The following GADL1 variants were observed in gnomAD, a reference collection of about 807,000 sequenced individuals.
GADL1 encodes the protein acidic amino acid decarboxylase GADL1.
Under a neutral mutation model 69.5 loss-of-function variants are expected in GADL1, and 71 were observed. The ratio of observed to expected loss-of-function variants is 1.02; its 90% CI spans 0.84 to 1.25. GADL1 has a LOEUF of 1.25. Among genes scored for constraint, GADL1 ranks in the 50% most tolerant of loss-of-function variants. The probability of loss-of-function intolerance (pLI) is 0.00; values close to 1 mark genes in which losing one functional copy is unlikely to be tolerated. For missense variants in GADL1, 737 were observed against 631.8 expected (o/e 1.17, Z -1.79); for synonymous variants, 254 against 214.4 (o/e 1.18, Z -1.62).
intron 14 of GADL1, among the ~76,000 whole-genome samples, chr3:30,769,800 A>G (rs1696376601): frequency 6.6e-6 from 1 of 152,170 alleles, no homozygotes; most frequent in South Asian, 2.1e-4. Context: ...CTAGTAGATG[A>G]GAGAGCTCAA....
intron 14 of GADL1, among the ~76,000 whole-genome samples, chr3:30,756,570 C>A (rs998603706): frequency 2.0e-5 from 3 of 151,678 alleles, no homozygotes; most frequent in African/African-American, 4.9e-5. Context: ...TAGAAAACAG[C>A]AGAAGTAATC....
chr3:30,821,321 A>G (rs1338805018), intron 11 of GADL1, among the ~76,000 whole-genome samples: 2 of 151,060 alleles, frequency 1.3e-5, no homozygotes, highest in Non-Finnish European at 2.9e-5. Context: ...CTAAAACTTA[A>G]AGTATAATAA....
At chr3:30,816,167 T>C (rs1411060712) in intron 11 of GADL1, among the ~76,000 whole-genome samples, 1 of 152,022 alleles carries the variant, frequency 6.6e-6, no homozygotes, top group African/African-American at 2.4e-5. Context: ...ATTAGAGGAA[T>C]TTGCGATATG....
At chr3:30,769,737 G>T (rs936828675) in intron 14 of GADL1, among the ~76,000 whole-genome samples, 1 of 152,152 alleles carries the variant, frequency 6.6e-6, no homozygotes. Flanking sequence ...CAAGGTCACC[G>T]TCCTTAAAAC....
intron 1 of GADL1, among the ~76,000 whole-genome samples, chr3:30,879,792 C>A (rs956262771): frequency 6.6e-6 from 1 of 151,838 alleles, no homozygotes; most frequent in African/African-American, 2.4e-5. Context: ...ACAAAAATAT[C>A]TTTTCTGCAC....
intron 9 of GADL1, among the ~76,000 whole-genome samples, chr3:30,837,613 A>G (rs1053673524): frequency 2.8e-4 from 42 of 152,106 alleles, no homozygotes; most frequent in African/African-American, 6.3e-4. Context: ...TTTTACATAA[A>G]CTATTTACTT....
chr3:30,750,636 C>T (rs991188636), intron 14 of GADL1, among the ~76,000 whole-genome samples: 1 of 86,096 alleles, frequency 1.2e-5, no homozygotes, highest in Non-Finnish European at 2.5e-5. Context: ...CTTCTCTCCT[C>T]TTGCAGCCAC....
chr3:30,795,712 A>C (rs1697017699), intron 12 of GADL1, among the ~76,000 whole-genome samples: 1 of 152,188 alleles, frequency 6.6e-6, no homozygotes, highest in East Asian at 1.9e-4. Context: ...TCTTAATTCT[A>C]GAGAAACTCT....
chr3:30,797,217 C>T (rs1697051681), intron 12 of GADL1, among the ~76,000 whole-genome samples: 1 of 152,224 alleles, frequency 6.6e-6, no homozygotes, highest in South Asian at 2.1e-4. Context: ...ACTCAAACAC[C>T]CCAGCTGCTG....
chr3:30,781,310 T>C (rs1195251044), intron 13 of GADL1, among the ~76,000 whole-genome samples: 1 of 152,218 alleles, frequency 6.6e-6, no homozygotes, highest in African/African-American at 2.4e-5. Context: ...TTTGAGACCA[T>C]TTGGGAAAGA....
chr3:30,762,302 T>TA (rs760083882), intron 14 of GADL1, among the ~76,000 whole-genome samples: 1 of 152,204 alleles, frequency 6.6e-6, no homozygotes, highest in Non-Finnish European at 1.5e-5. Context: ...ACATATGCTT[T>TA]AAAAGGCTTC....
chr3:30,888,881 G>C (rs1054371058), intron 1 of GADL1, among the ~76,000 whole-genome samples: 16 of 151,854 alleles, frequency 1.1e-4, no homozygotes, highest in African/African-American at 3.4e-4. Flanking sequence ...GAGGCAACCA[G>C]ATGTTAGAAA....
At chr3:30,838,784 T>A (rs908269552) in intron 9 of GADL1, among the ~76,000 whole-genome samples, 1 of 152,032 alleles carries the variant, frequency 6.6e-6, no homozygotes, top group Non-Finnish European at 1.5e-5. Context: ...AGAAGCAAAA[T>A]GGAATCCAGA....
intron 11 of GADL1, among the ~76,000 whole-genome samples, chr3:30,811,826 G>A (rs1002661532): frequency 6.6e-6 from 1 of 152,066 alleles, no homozygotes; most frequent in Non-Finnish European, 1.5e-5. Context: ...AAATAACATT[G>A]CAGGGTTCCT....
chr3:30,729,357 T>C (rs1695420512), intron 14 of GADL1, among the ~76,000 whole-genome samples: 1 of 152,222 alleles, frequency 6.6e-6, no homozygotes, highest in African/African-American at 2.4e-5. Flanking sequence ...GCAAAGTTTT[T>C]CCACTTGAAT....
intron 12 of GADL1, among the ~76,000 whole-genome samples, chr3:30,790,690 G>A (rs1696894847): frequency 6.6e-6 from 1 of 151,884 alleles, no homozygotes; most frequent in African/African-American, 2.4e-5. Context: ...TTGAAATGCT[G>A]GTCTACAAAG....
chr3:30,782,510 C>T (rs1696688242), intron 13 of GADL1, among the ~76,000 whole-genome samples: 2 of 151,830 alleles, frequency 1.3e-5, no homozygotes, highest in South Asian at 4.1e-4. Flanking sequence ...GAAAATACTA[C>T]ACTTAAGTTT....
chr3:30,728,315 A>G lies in GADL1; in HGVS notation c.1493T>C (p.Ile498Thr), dbSNP rs764313488. 1.2e-6 allele frequency: 2 copies of G among 1,613,924 alleles called. No individual in the cohort carries two copies. The highest frequency in any genetic ancestry group is 1.7e-6 in the Non-Finnish European group (2 of 1,179,852). The stretch of plus-strand genomic sequence containing the variant: ...GTCCTCCCGGCTCACTTGAGGGCTG[A>G]TCACCACCTGGCGGAAGAAGTTGAC... Reference protein sequence around the residue: ...GKVNFFRQVVISPQVSREDMD... With the variant: ...GKVNFFRQVVTSPQVSREDMD... Residue 498 changes from isoleucine to threonine, a missense_variant, in exon 15 of 15, where the codon ATC (isoleucine) becomes ACC (threonine). Coordinates refer to ENST00000282538, the MANE Select transcript of GADL1 (RefSeq NM_207359.3).
chr3:30,825,673 A>G (rs1395811326), intron 11 of GADL1, among the ~76,000 whole-genome samples: 2 of 4,012 alleles, frequency 5.0e-4, no homozygotes, highest in African/African-American at 6.7e-3. Context: ...GCACAGGAAC[A>G]GAAAACCAAC....
Sources: gnomAD v4.1 joint callset for allele counts (sites outside exome capture counted in the v4.1 genomes callset) on GRCh38, gnomAD v4.1.1 for gene constraint, MANE v1.5 for transcripts, NCBI Gene and HGNC (gene_info 2026-07-23, HGNC 2026-07-21) for gene names.